Variants in SATL1 observed in about 807,000 individuals in gnomAD.
SATL1 encodes spermidine/spermine N(1)-acetyltransferase-like protein 1.
In SATL1, 47 loss-of-function variants were observed where a neutral mutation model predicts 51.8. That is an observed-to-expected ratio of 0.91 (90% CI 0.72 to 1.16). SATL1 has a LOEUF of 1.16. Ranked by LOEUF, SATL1 falls within the 50% of genes most tolerant of loss-of-function variation. The pLI is 0.00. For missense variants in SATL1, 520 were observed against 526.4 expected, an observed-to-expected ratio of 0.99 and a Z score of 0.12; for synonymous variants, 176 against 182.4, an observed-to-expected ratio of 0.97 and a Z score of 0.28.
At chrX:85,099,147 C>T (rs1238211609) in intron 4 of SATL1, among the ~76,000 whole-genome samples, 2 of 111,231 alleles carry the variant, frequency 1.8e-5, no homozygotes, top group Non-Finnish European at 3.8e-5. Flanking sequence ...TATATAACAA[C>T]AAATTAGATA....
chrX:85,190,269 A>T (rs1389166792), intron 2 of SATL1, among the ~76,000 whole-genome samples: 2 of 112,263 alleles, frequency 1.8e-5, no homozygotes, highest in African/African-American at 6.5e-5. Context: ...AATAGGATCT[A>T]TCCTGTTTGA....
intron 2 of SATL1, among the ~76,000 whole-genome samples, chrX:85,164,995 A>G (rs1228221033): frequency 9.0e-6 from 1 of 111,071 alleles, no homozygotes; most frequent in Non-Finnish European, 1.9e-5. Context: ...AAGTGTTGGG[A>G]TTGAAGGCGT....
intron 3 of SATL1, among the ~76,000 whole-genome samples, chrX:85,105,720 ACTC>A (rs1925022232): frequency 8.9e-6 from 1 of 111,818 alleles, no homozygotes; most frequent in Non-Finnish European, 1.9e-5. Context: ...ACTCTAATAA[ACTC>A]CTCTGCAAGG....
intron 2 of SATL1, among the ~76,000 whole-genome samples, chrX:85,199,746 T>TA (rs1927651925): frequency 1.8e-5 from 2 of 111,557 alleles, no homozygotes; most frequent in Non-Finnish European, 1.9e-5. Flanking sequence ...CTCATGGAGA[T>TA]AGAGTGTAGA....
At chrX:85,231,129 T>C (rs1285387610) in intron 1 of SATL1, among the ~76,000 whole-genome samples, 2 of 111,860 alleles carry the variant, frequency 1.8e-5, no homozygotes, top group African/African-American at 6.5e-5. Flanking sequence ...ACATTATTCA[T>C]AGTAGCCAAG....
chrX:85,176,455 CA>C (rs1011773319), intron 2 of SATL1, among the ~76,000 whole-genome samples: 1 of 111,312 alleles, frequency 9.0e-6, no homozygotes, highest in African/African-American at 3.3e-5. Context: ...GGAAACCAGA[CA>C]AATGCCTACT....
At chrX:85,154,906 C>A (rs974476781) in intron 2 of SATL1, among the ~76,000 whole-genome samples, 1 of 111,484 alleles carries the variant, frequency 9.0e-6, no homozygotes, top group Non-Finnish European at 1.9e-5. Context: ...AATTATAATT[C>A]CCCAGTGACA....
chrX:85,147,401 C>T (rs1372997063), intron 2 of SATL1, among the ~76,000 whole-genome samples: 1 of 114,018 alleles, frequency 8.8e-6, no homozygotes, highest in African/African-American at 3.2e-5. Flanking sequence ...AGGGCACAGA[C>T]AAACAAAAAG....
chrX:85,179,222 A>G (rs1927148134), intron 2 of SATL1, among the ~76,000 whole-genome samples: 2 of 112,125 alleles, frequency 1.8e-5, no homozygotes, highest in South Asian at 7.4e-4. Flanking sequence ...AGACCATTCT[A>G]CACATTTAAA....
intron 2 of SATL1, among the ~76,000 whole-genome samples, chrX:85,206,257 T>G (rs1927788921): frequency 9.0e-6 from 1 of 111,518 alleles, no homozygotes; most frequent in South Asian, 3.7e-4. Context: ...GTTAATGGAC[T>G]TACGGCCAGA....
chrX:85,180,746 G>A (rs752080833), intron 2 of SATL1, among the ~76,000 whole-genome samples: 9 of 110,786 alleles, frequency 8.1e-5, no homozygotes, highest in Non-Finnish European at 1.3e-4. Flanking sequence ...ATTAAGACTG[G>A]ACTCAAAGTT....
intron 2 of SATL1, among the ~76,000 whole-genome samples, chrX:85,147,386 G>A (rs890394663): frequency 2.6e-5 from 3 of 113,334 alleles, no homozygotes; most frequent in African/African-American, 9.6e-5. Context: ...TCCACCTCTG[G>A]GGGCAGGGCA....
intron 2 of SATL1, among the ~76,000 whole-genome samples, chrX:85,203,164 C>T (rs1410225831): frequency 1.8e-5 from 2 of 111,910 alleles, no homozygotes; most frequent in African/African-American, 6.5e-5. Flanking sequence ...TGCAAAATAG[C>T]AAAGATGGCA....
At chrX:85,150,759 T>G (rs1270031570) in intron 2 of SATL1, among the ~76,000 whole-genome samples, 1 of 110,312 alleles carries the variant, frequency 9.1e-6, no homozygotes, top group Non-Finnish European at 1.9e-5. Context: ...TTGACAAAAT[T>G]CAACAACCCT....
chrX:85,093,425 G>T, intron 6 of SATL1, 200 bp from the exon 7 acceptor site: 1 of 397,059 alleles, frequency 2.5e-6, no homozygotes. Flanking sequence ...GAAGAGTTTG[G>T]GTTTATTTTA....
rs151243942 is a variant in SATL1, at chrX:85,128,076, T to A, written c.-312-18796A>T. 3.6e-3 allele frequency among the ~76,000 whole-genome samples: 400 copies of A among 112,016 alleles called. 2 individuals carry two copies. The highest frequency in any genetic ancestry group is 0.012 in the African/African-American group (382 of 30,837). On this transcript the variant is annotated intron_variant, in intron 2 of 7. Coordinates refer to ENST00000644105, the MANE Select transcript of SATL1 (RefSeq NM_001367857.2). ...GGACATTAGGGTTGGTTCCAAGTCT[T>A]TGCTATTGTGAATAGTGCCACAATA...
chrX:85,141,142 G>A (rs142988087), intron 2 of SATL1, among the ~76,000 whole-genome samples: 2 of 111,414 alleles, frequency 1.8e-5, no homozygotes, highest in African/African-American at 3.3e-5. Flanking sequence ...GCAAGGGAAG[G>A]CTGCCCTTTC....
chrX:85,189,977 G>T (rs963008317), intron 2 of SATL1, among the ~76,000 whole-genome samples: 11 of 111,926 alleles, frequency 9.8e-5, no homozygotes, highest in Non-Finnish European at 1.7e-4. Context: ...ATTAATTCAT[G>T]CTTAAACATA....
At chrX:85,095,683 G>A (rs765286584) in intron 4 of SATL1, among the ~76,000 whole-genome samples, 114 of 105,181 alleles carry the variant, frequency 1.1e-3, no homozygotes, top group African/African-American at 3.6e-3. Flanking sequence ...AAAATTAGCC[G>A]GGCGTAGTGG....
Sources: gnomAD v4.1 joint callset for allele counts (sites outside exome capture counted in the v4.1 genomes callset) on GRCh38, gnomAD v4.1.1 for gene constraint, MANE v1.5 for transcripts, NCBI Gene and HGNC (gene_info 2026-07-23, HGNC 2026-07-21) for gene names.